ZMYND8: variants seen among roughly 807,000 people sequenced by gnomAD.
The protein encoded by ZMYND8 is MYND-type zinc finger-containing chromatin reader ZMYND8.
Under a neutral mutation model 140.8 loss-of-function variants are expected in ZMYND8, and 37 were observed. The observed-to-expected ratio is 0.26, with a 90% confidence interval of 0.20 to 0.35. The LOEUF (loss-of-function observed/expected upper bound fraction) is 0.35. ZMYND8 is among the 10% of genes least tolerant of loss of function. The pLI is 1.00. For synonymous variants in ZMYND8, 592 were observed against 597.1 expected, an observed-to-expected ratio of 0.99 and a Z score of 0.12; for missense variants, 1,068 against 1,570.0, an observed-to-expected ratio of 0.68 and a Z score of 5.40.
chr20:47,343,310 C>T (rs1602114671), intron 2 of ZMYND8, among the ~76,000 whole-genome samples: 1 of 152,064 alleles, frequency 6.6e-6, no homozygotes, highest in Admixed American at 6.6e-5. Flanking sequence ...AACCCCACAA[C>T]GATGGAGTCT....
rs2035079005 is a variant in ZMYND8 at position 47,210,429 on chromosome 20, A to ATTGTTTTTTTTTTTTTTTTTTTTTTTTTT, written c.*331_*332insAAAAAAAAAAAAAAAAAAAAAAAAAACAA. 7.3e-6 allele frequency: 1 copy of ATTGTTTTTTTTTTTTTTTTTTTTTTTTTT among 137,878 alleles called. No homozygotes were observed. The highest frequency in any genetic ancestry group is 3.3e-5 in the African/African-American group (1 of 30,432). 8.5% of individuals were successfully genotyped at this position (137,878 alleles called of 1,614,324 possible). On this transcript the variant is annotated 3_prime_UTR_variant, in exon 23 of 23. Coordinates refer to ENST00000471951, the MANE Select transcript of ZMYND8 (RefSeq NM_001281775.3). The stretch of plus-strand genomic sequence containing the variant: ...GTTGGTTGCTTTTTTTTTTTTTTTT[A>ATTGTTTTTTTTTTTTTTTTTTTTTTTTTT]AATCGTTTTTCTTTTTCTTTTTTTT...
At chr20:47,296,056 T>C (rs6018397) in intron 4 of ZMYND8, among the ~76,000 whole-genome samples, 100,250 of 152,006 alleles carry the variant, frequency 0.66, 34,472 homozygotes, top group African/African-American at 0.87. Context: ...GCATGACGCA[T>C]GCATCTATTT....
intron 2 of ZMYND8, among the ~76,000 whole-genome samples, chr20:47,344,626 C>T (rs1235124786): frequency 1.3e-5 from 2 of 152,066 alleles, no homozygotes; most frequent in Non-Finnish European, 2.9e-5. Context: ...TAAGGGATGG[C>T]CTTTAGTTGG....
intron 1 of ZMYND8, chr20:47,349,993 G>C: frequency 7.3e-6 from 11 of 1,505,130 alleles, no homozygotes; most frequent in Non-Finnish European, 9.7e-6. Flanking sequence ...ATGCTGCTGA[G>C]AGACGAGGAA....
chr20:47,220,401 A>G lies in ZMYND8; in HGVS notation c.3418-77T>C, dbSNP rs566886537. The G allele has an allele frequency of 1.0e-5, 12 of 1,204,602 alleles. No homozygotes were observed. The South Asian group carries it at 1.4e-4, about 14-fold the overall frequency. 74.6% of individuals were successfully genotyped at this position (1,204,602 alleles called of 1,614,324 possible). On this transcript the variant is annotated intron_variant, in intron 20 of 22. Coordinates refer to ENST00000471951, the MANE Select transcript of ZMYND8 (RefSeq NM_001281775.3). ...CCCCCACAGGGAAATCCAGGGAGTC[A>G]TGGGGGTGCTCATCGCTGCCCCCAA... is the stretch of plus-strand genomic sequence containing the variant.
rs1414426570 is a variant in ZMYND8 at position 47,249,269 on chromosome 20, A to AT, written c.1774+17_1774+18insA. The AT allele has an allele frequency of 6.2e-6, 10 of 1,603,206 alleles. No homozygotes were observed. The highest frequency in any genetic ancestry group is 6.8e-6 in the Non-Finnish European group (8 of 1,175,740). ...ACAATGATACTGCTGGAAAAAAAAA[A>AT]CAAAACCAAAGGTATACCTAATTGT... On this transcript the variant is annotated intron_variant, in intron 13 of 22. Transcript: ENST00000471951.
At chr20:47,215,409 G>A (rs962183842) in intron 21 of ZMYND8, among the ~76,000 whole-genome samples, 1 of 152,034 alleles carries the variant, frequency 6.6e-6, no homozygotes, top group African/African-American at 2.4e-5. Flanking sequence ...GTCCATGACT[G>A]TTAATGGCTT....
rs565961858 is a variant in ZMYND8, at chr20:47,352,289, C to A, written c.15-4363G>T. On this transcript the variant is annotated intron_variant, in intron 1 of 22. Transcript: ENST00000471951. ...GACAGCAGGCATCTGAAAAGCCAAGCTAAAGGGCTGCACCTCAGTCTACGG... is the reference window on the plus strand; with the variant it reads ...GACAGCAGGCATCTGAAAAGCCAAGATAAAGGGCTGCACCTCAGTCTACGG... Among the ~76,000 whole-genome samples the A allele has an allele frequency of 3.3e-5, 5 of 152,288 alleles. No homozygotes were observed. In the South Asian group the frequency reaches 1.0e-3, roughly 32 times the overall value.
intron 11 of ZMYND8, among the ~76,000 whole-genome samples, chr20:47,265,802 C>G (rs1357326702): frequency 6.6e-6 from 1 of 152,030 alleles, no homozygotes; most frequent in Non-Finnish European, 1.5e-5. Context: ...CTAGAACAGG[C>G]CTTTAATTTG....
intron 1 of ZMYND8, 159 bp from the exon 2 acceptor site, chr20:47,348,085 T>G: frequency 1.4e-6 from 1 of 721,210 alleles, no homozygotes; most frequent in Non-Finnish European, 2.5e-6. Flanking sequence ...CAACAAAGTG[T>G]GAAGAGTCCT....
intron 22 of ZMYND8, among the ~76,000 whole-genome samples, chr20:47,211,797 AGT>A (rs2146746993): frequency 6.6e-6 from 1 of 152,318 alleles, no homozygotes; most frequent in African/African-American, 2.4e-5. Flanking sequence ...TGAGGGCAAG[AGT>A]GGAGTGGGCC....
chr20:47,253,077 G>C (rs1046714028), intron 12 of ZMYND8, among the ~76,000 whole-genome samples: 1 of 152,214 alleles, frequency 6.6e-6, no homozygotes. Flanking sequence ...GATTTGGCCT[G>C]AAAGCCGTAA....
rs527473595 is a variant in ZMYND8 at position 47,234,560 on chromosome 20, C to T, written c.2856+1766G>A. Among the ~76,000 whole-genome samples, 161 of 152,298 alleles carry T rather than the reference C, an allele frequency of 1.1e-3. 4 individuals carry two copies. The South Asian group carries it at 0.03, about 28-fold the overall frequency. ...ACTGCAACTGCAAGAGATCCTGAAG[C>T]GGAGAGCCCCGTGGAGCCATGCCCA... On this transcript the variant is annotated intron_variant, in intron 16 of 22. Coordinates refer to ENST00000471951, the MANE Select transcript of ZMYND8 (RefSeq NM_001281775.3).
Position 47,280,124 on chromosome 20 carries a change from C to CAAA in ZMYND8, c.998+1975_998+1977dup, listed in dbSNP as rs72091806. Among the ~76,000 whole-genome samples the CAAA allele has an allele frequency of 1.8e-4, 16 of 90,876 alleles. No individual in the cohort carries two copies. In the South Asian group the frequency reaches 2.7e-3, roughly 15 times the overall value. The allele number at this position is 90,876 out of a possible 152,430, so 59.6% of individuals were successfully genotyped here. A position where few individuals can be genotyped will look rare whatever the true frequency, so the allele number is the denominator to read the frequency against. On this transcript the variant is annotated intron_variant, in intron 10 of 22. Transcript: ENST00000471951. ...TAGGTGACAAACCAAGACTCTGCTC[C>CAAA]AAAAAAAAAAAAAAAAAAAGAATGG...
rs1041030372 is a variant in ZMYND8, at chr20:47,220,442, T to G, written c.3418-118A>C. ...CTGCCCCCAAAGCATCTCAGTGTCCTCTGCCTGGCACGGTCAGGTGGGAGT... is the reference window on the plus strand; with the variant it reads ...CTGCCCCCAAAGCATCTCAGTGTCCGCTGCCTGGCACGGTCAGGTGGGAGT... On this transcript the variant is annotated intron_variant, in intron 20 of 22. Coordinates refer to ENST00000471951, the MANE Select transcript of ZMYND8 (RefSeq NM_001281775.3). 4.7e-6 allele frequency: 4 copies of G among 854,318 alleles called. No homozygotes were observed. In the African/African-American group the frequency reaches 6.7e-5, roughly 14 times the overall value. 52.9% of individuals were successfully genotyped at this position (854,318 alleles called of 1,614,324 possible).
At chr20:47,336,929 C>A (rs1457373625) in intron 2 of ZMYND8, among the ~76,000 whole-genome samples, 1 of 152,022 alleles carries the variant, frequency 6.6e-6, no homozygotes, top group Non-Finnish European at 1.5e-5. Flanking sequence ...GCCACAATCA[C>A]TGATCTACCT....
At chr20:47,312,078 G>A (rs566081211) in intron 2 of ZMYND8, among the ~76,000 whole-genome samples, 1 of 152,088 alleles carries the variant, frequency 6.6e-6, no homozygotes, top group Non-Finnish European at 1.5e-5. Flanking sequence ...AAGACCATAG[G>A]GGGGATGGGG....
intron 2 of ZMYND8, among the ~76,000 whole-genome samples, chr20:47,334,767 A>G (rs368524636): frequency 1.5e-4 from 22 of 151,634 alleles, no homozygotes; most frequent in African/African-American, 4.8e-4. Context: ...ACGCCACCAC[A>G]CTCAGCTAAT....
At chr20:47,223,718 C>T (rs963045624) in intron 19 of ZMYND8, among the ~76,000 whole-genome samples, 4 of 142,028 alleles carry the variant, frequency 2.8e-5, no homozygotes, top group Non-Finnish European at 6.1e-5. Flanking sequence ...CCCAGCTACT[C>T]GGGAGGCTGA....
Sources: gnomAD v4.1 joint callset for allele counts (sites outside exome capture counted in the v4.1 genomes callset) on GRCh38, gnomAD v4.1.1 for gene constraint, MANE v1.5 for transcripts, NCBI Gene and HGNC (gene_info 2026-07-23, HGNC 2026-07-21) for gene names.